Variants in NSMCE2 observed in about 807,000 individuals in gnomAD.
NSMCE2 encodes NSE2 SUMO ligase component of SMC5/6 complex.
A neutral mutation model predicts 23.8 loss-of-function variants in NSMCE2; 24 were observed. The observed-to-expected ratio is 1.01, with a 90% CI of 0.73 to 1.42. The LOEUF is 1.42. NSMCE2 is among the 40% of genes most tolerant of loss of function. The pLI, the probability that NSMCE2 is intolerant of heterozygous loss-of-function variation, is 0.00. For synonymous variants in NSMCE2, 92 were observed against 94.1 expected (o/e 0.98, Z 0.13); for missense variants, 284 against 296.5 (o/e 0.96, Z 0.31).
chr8:125,303,810 A>G (rs1381563273), intron 5 of NSMCE2, among the ~76,000 whole-genome samples: 1 of 152,268 alleles, frequency 6.6e-6, no homozygotes, highest in East Asian at 1.9e-4. Flanking sequence ...CAGCTTCCCT[A>G]TTGCTCTCAT....
intron 5 of NSMCE2, among the ~76,000 whole-genome samples, chr8:125,226,736 G>T (rs1376705287): frequency 6.6e-6 from 1 of 152,198 alleles, no homozygotes; most frequent in Admixed American, 6.5e-5. Context: ...AAAAGAGGTA[G>T]AAGCAGGGAA....
chr8:125,106,491 A>G (rs1034203796), intron 3 of NSMCE2, among the ~76,000 whole-genome samples: 4 of 152,188 alleles, frequency 2.6e-5, no homozygotes, highest in Non-Finnish European at 5.9e-5. Context: ...CAGCCTGACC[A>G]ACTTGGTGAA....
intron 5 of NSMCE2, among the ~76,000 whole-genome samples, chr8:125,280,301 C>A (rs553995924): frequency 2.6e-5 from 4 of 152,318 alleles, no homozygotes; most frequent in African/African-American, 9.6e-5. Context: ...GACCCAAATA[C>A]ATCCTCAGAG....
chr8:125,313,173 AAAG>A (rs1434723828), intron 5 of NSMCE2, among the ~76,000 whole-genome samples: 3 of 150,960 alleles, frequency 2.0e-5, no homozygotes, highest in Non-Finnish European at 4.4e-5. Flanking sequence ...AAAAGGAAGG[AAAG>A]AAGGAAGGAG....
intron 5 of NSMCE2, among the ~76,000 whole-genome samples, chr8:125,322,377 T>C (rs1483935700): frequency 6.6e-6 from 1 of 152,200 alleles, no homozygotes; most frequent in African/African-American, 2.4e-5. Flanking sequence ...GAAAATCATA[T>C]GATCATCTCA....
At position 125,289,684 on chromosome 8, in the gene NSMCE2, A is replaced by T. The variant is rs573433819; in HGVS notation, c.419-67535A>T. Among the ~76,000 whole-genome samples, 123 of 152,294 alleles carry T rather than the reference A, an allele frequency of 8.1e-4. 1 individual carries two copies. Among genetic ancestry groups the T allele is most frequent in the South Asian group, 6.2e-4 (3 of 4,820 alleles). ...AAGGAATATACTTTAAAAGTAGCAG[A>T]TGTTTGTGGGTGTGCTGTTACTGAA... On this transcript the variant is annotated intron_variant, in intron 5 of 7. Coordinates refer to ENST00000287437, the MANE Select transcript of NSMCE2 (RefSeq NM_173685.4).
intron 5 of NSMCE2, among the ~76,000 whole-genome samples, chr8:125,327,619 T>G (rs1829722075): frequency 6.6e-6 from 1 of 152,026 alleles, no homozygotes; most frequent in South Asian, 2.1e-4. Flanking sequence ...GGTACAGAAC[T>G]AAGGAGGCTA....
At chr8:125,257,534 T>C (rs1437814711) in intron 5 of NSMCE2, among the ~76,000 whole-genome samples, 6 of 138,876 alleles carry the variant, frequency 4.3e-5, no homozygotes, top group Non-Finnish European at 7.8e-5. Context: ...TTTTTTTTTT[T>C]TTTTTTTTTT....
At chr8:125,182,070 A>G (rs1303271024) in intron 4 of NSMCE2, 33 bp from the exon 5 acceptor site, 3 of 1,501,284 alleles carry the variant, frequency 2.0e-6, no homozygotes, top group Admixed American at 2.2e-5. Context: ...TATTATTAAC[A>G]TTTAACTCAG....
chr8:125,267,003 C>CTTTTTTTTTTTT (rs35990794), intron 5 of NSMCE2, among the ~76,000 whole-genome samples: 146 of 111,918 alleles, frequency 1.3e-3, no homozygotes, highest in Non-Finnish European at 1.8e-3. Flanking sequence ...TTTTTTCTTT[C>CTTTTTTTTTTTT]TTTTTTTTTT....
chr8:125,324,708 G>A lies in NSMCE2; in HGVS notation c.419-32511G>A, dbSNP rs2131279542. ...TCCTGCCTCAGCCTCCCGAGTAGCT[G>A]GGACTACAGGCGCCCGCCACTACGC... On this transcript the variant is annotated intron_variant, in intron 5 of 7. Transcript: ENST00000287437. Among the ~76,000 whole-genome samples the A allele has an allele frequency of 1.9e-5, 2 of 102,686 alleles. 1 individual carries two copies. The allele number at this position is 102,686 out of a possible 152,430, so 67.4% of individuals were successfully genotyped here.
chr8:125,340,012 G>GTTTTTTTTTTTTTTTTT (rs752038710), intron 5 of NSMCE2, among the ~76,000 whole-genome samples: 2 of 102,856 alleles, frequency 1.9e-5, no homozygotes, highest in African/African-American at 3.7e-5. Context: ...GTTTTTTTTT[G>GTTTTTTTTTTTTTTTTT]TTTTTTTTTT....
chr8:125,186,698 C>G (rs1237210971), intron 5 of NSMCE2, among the ~76,000 whole-genome samples: 1 of 152,134 alleles, frequency 6.6e-6, no homozygotes. Context: ...ATATGGGGCT[C>G]TCTGGAGCAG....
chr8:125,305,648 T>C (rs1050217107), intron 5 of NSMCE2, among the ~76,000 whole-genome samples: 5 of 152,156 alleles, frequency 3.3e-5, no homozygotes, highest in Middle Eastern at 3.2e-3. Flanking sequence ...AAACAGACCC[T>C]CAGTAAATGA....
At chr8:125,243,146 G>C (rs1422185184) in intron 5 of NSMCE2, among the ~76,000 whole-genome samples, 1 of 152,196 alleles carries the variant, frequency 6.6e-6, no homozygotes. Flanking sequence ...GTATGATGCA[G>C]TTGAGGGGAG....
At position 125,312,832 on chromosome 8, in the gene NSMCE2, C is replaced by T. The variant is rs911798108; in HGVS notation, c.419-44387C>T. Among the ~76,000 whole-genome samples, 8 of 151,796 alleles carry T rather than the reference C, an allele frequency of 5.3e-5. No homozygotes were observed. In the South Asian group the frequency reaches 6.2e-4, roughly 12 times the overall value. The stretch of plus-strand genomic sequence containing the variant: ...CAGGTGGCTAGTGTGATAAAGAGTA[C>T]GGGGCCGGTTGGAGAAGAGTCATTA... On this transcript the variant is annotated intron_variant, in intron 5 of 7. Transcript: ENST00000287437.
chr8:125,120,285 C>A (rs1819204698), intron 3 of NSMCE2, among the ~76,000 whole-genome samples: 1 of 152,146 alleles, frequency 6.6e-6, no homozygotes, highest in Admixed American at 6.5e-5. Context: ...ATATTTAAAT[C>A]AATCATCATG....
At chr8:125,242,048 C>T (rs1390589664) in intron 5 of NSMCE2, among the ~76,000 whole-genome samples, 1 of 152,130 alleles carries the variant, frequency 6.6e-6, no homozygotes, top group African/African-American at 2.4e-5. Context: ...TCAAGATGTC[C>T]ATGTGATTGA....
At chr8:125,182,982 T>A (rs965446556) in intron 5 of NSMCE2, among the ~76,000 whole-genome samples, 1 of 152,200 alleles carries the variant, frequency 6.6e-6, no homozygotes, top group African/African-American at 2.4e-5. Context: ...ATAAATTGAT[T>A]TTTTCACATT....
Sources: gnomAD v4.1 joint callset for allele counts (sites outside exome capture counted in the v4.1 genomes callset) on GRCh38, gnomAD v4.1.1 for gene constraint, MANE v1.5 for transcripts, NCBI Gene and HGNC (gene_info 2026-07-23, HGNC 2026-07-21) for gene names.